Variants in KCND2 observed in about 807,000 individuals in gnomAD.
The protein encoded by KCND2 is potassium voltage-gated channel subfamily D member 2, also known as A-type voltage-gated potassium channel KCND2.
A neutral mutation model predicts 54.4 loss-of-function variants in KCND2; 16 were observed. The ratio of observed to expected loss-of-function variants is 0.29; its 90% CI spans 0.20 to 0.45. KCND2 has a LOEUF of 0.45. Among genes scored for constraint, KCND2 ranks in the 20% least tolerant of loss-of-function variants. The probability of loss-of-function intolerance (pLI) is 1.00; values close to 1 mark genes in which losing one functional copy is unlikely to be tolerated. For missense variants in KCND2, 486 were observed against 824.2 expected, an observed-to-expected ratio of 0.59 and a Z score of 5.02; for synonymous variants, 317 against 310.7, an observed-to-expected ratio of 1.02 and a Z score of -0.21.
At position 120,354,432 on chromosome 7, in the gene KCND2, G is replaced by A. The variant is rs553010343; in HGVS notation, c.1115+78685G>A. 2.6e-5 allele frequency among the ~76,000 whole-genome samples: 4 copies of A among 152,314 alleles called. No homozygotes were observed. The South Asian group carries it at 6.2e-4, about 24-fold the overall frequency. ...TTACAAAACTGTGCATGGTAAAACA[G>A]ATATTCAAAGTGCAAGCTACAGGAG... On this transcript the variant is annotated intron_variant, in intron 1 of 5. Coordinates refer to ENST00000331113, the MANE Select transcript of KCND2 (RefSeq NM_012281.3).
intron 1 of KCND2, among the ~76,000 whole-genome samples, chr7:120,454,459 C>T (rs775814358): frequency 2.0e-5 from 3 of 152,078 alleles, no homozygotes; most frequent in African/African-American, 4.8e-5. Context: ...CTAGAGGAAA[C>T]GGATAAACAT....
intron 1 of KCND2, among the ~76,000 whole-genome samples, chr7:120,542,319 G>T (rs959079581): frequency 2.6e-5 from 4 of 152,014 alleles, no homozygotes; most frequent in African/African-American, 9.7e-5. Flanking sequence ...TTTTTAAGAG[G>T]GTTTGGGAGA....
At chr7:120,703,873 C>T (rs780719320) in intron 1 of KCND2, among the ~76,000 whole-genome samples, 2 of 152,148 alleles carry the variant, frequency 1.3e-5, no homozygotes, top group Non-Finnish European at 2.9e-5. Context: ...CATAAAACCA[C>T]TTTATTTCAC....
intron 1 of KCND2, among the ~76,000 whole-genome samples, chr7:120,419,644 A>G (rs1461786634): frequency 6.6e-6 from 1 of 151,776 alleles, no homozygotes; most frequent in Admixed American, 6.6e-5. Flanking sequence ...TATATTTTAC[A>G]TGTACATGCA....
intron 1 of KCND2, among the ~76,000 whole-genome samples, chr7:120,693,850 A>G (rs1207274423): frequency 2.0e-5 from 3 of 152,170 alleles, no homozygotes; most frequent in African/African-American, 7.2e-5. Context: ...AAATAGCAAC[A>G]TGGCAGAGAA....
At chr7:120,373,425 G>A (rs1396406534) in intron 1 of KCND2, among the ~76,000 whole-genome samples, 1 of 151,840 alleles carries the variant, frequency 6.6e-6, no homozygotes, top group African/African-American at 2.4e-5. Context: ...TATAAGAAGT[G>A]ATTCATATGC....
At chr7:120,692,654 A>T (rs1410675208) in intron 1 of KCND2, among the ~76,000 whole-genome samples, 1 of 152,198 alleles carries the variant, frequency 6.6e-6, no homozygotes, top group Non-Finnish European at 1.5e-5. Flanking sequence ...ATTATTATTC[A>T]ATAAGAAAGT....
chr7:120,600,193 A>G (rs1404540610), intron 1 of KCND2, among the ~76,000 whole-genome samples: 1 of 151,940 alleles, frequency 6.6e-6, no homozygotes, highest in Non-Finnish European at 1.5e-5. Context: ...CTATATATTT[A>G]TGGAATGAAA....
intron 1 of KCND2, among the ~76,000 whole-genome samples, chr7:120,644,549 T>C (rs1447567429): frequency 6.6e-6 from 1 of 152,178 alleles, no homozygotes; most frequent in Admixed American, 6.5e-5. Context: ...AAAGAAATTA[T>C]TAGCAAAGAT....
At chr7:120,429,163 G>A (rs1451640641) in intron 1 of KCND2, among the ~76,000 whole-genome samples, 1 of 152,130 alleles carries the variant, frequency 6.6e-6, no homozygotes, top group Non-Finnish European at 1.5e-5. Context: ...ATTTCAGGGA[G>A]TCCACAATAT....
At position 120,382,819 on chromosome 7, in the gene KCND2, A is replaced by G. The variant is rs1178365185; in HGVS notation, c.1115+107072A>G. 2.0e-5 allele frequency among the ~76,000 whole-genome samples: 3 copies of G among 151,854 alleles called. No homozygotes were observed. The East Asian group carries it at 5.8e-4, about 29-fold the overall frequency. ...AAGGATTACTCTTTGATTATGTTTTAGATCACCTTTCTTTGTTCTTAAGAG... is the reference window on the plus strand; with the variant it reads ...AAGGATTACTCTTTGATTATGTTTTGGATCACCTTTCTTTGTTCTTAAGAG... On this transcript the variant is annotated intron_variant, in intron 1 of 5. Coordinates refer to ENST00000331113, the MANE Select transcript of KCND2 (RefSeq NM_012281.3).
intron 1 of KCND2, among the ~76,000 whole-genome samples, chr7:120,298,912 C>G (rs985929131): frequency 2.0e-5 from 3 of 152,156 alleles, no homozygotes; most frequent in Non-Finnish European, 2.9e-5. Flanking sequence ...AATCCCAGCA[C>G]TTTGGAAGGC....
intron 1 of KCND2, among the ~76,000 whole-genome samples, chr7:120,622,249 T>A (rs1167005861): frequency 6.6e-6 from 1 of 152,162 alleles, no homozygotes; most frequent in Non-Finnish European, 1.5e-5. Context: ...CAACATATGT[T>A]AAGCCACTCT....
chr7:120,585,218 A>T (rs913578594), intron 1 of KCND2, among the ~76,000 whole-genome samples: 1 of 151,996 alleles, frequency 6.6e-6, no homozygotes, highest in African/African-American at 2.4e-5. Context: ...GAAATATTAT[A>T]TCACAAAACT....
At chr7:120,604,510 C>CAATAAT (rs36229417) in intron 1 of KCND2, among the ~76,000 whole-genome samples, 18 of 140,244 alleles carry the variant, frequency 1.3e-4, no homozygotes, top group Admixed American at 9.3e-4. Context: ...CTAAAAATAA[C>CAATAAT]AATAATAATA....
intron 1 of KCND2, among the ~76,000 whole-genome samples, chr7:120,601,554 TA>T (rs1291085379): frequency 1.3e-5 from 2 of 152,186 alleles, no homozygotes; most frequent in Non-Finnish European, 2.9e-5. Context: ...GGCCATTGTT[TA>T]TAAGAGTTAA....
rs184330405 is a variant in KCND2, at chr7:120,604,147, C to G, written c.1116-128756C>G. ...ATAAATTCTAAAATGTTAGCCATTGCTGCTACTATGTAAGTGAGTGTGCAA... is the reference window on the plus strand; with the variant it reads ...ATAAATTCTAAAATGTTAGCCATTGGTGCTACTATGTAAGTGAGTGTGCAA... On this transcript the variant is annotated intron_variant, in intron 1 of 5. Transcript: ENST00000331113. 1.1e-4 allele frequency among the ~76,000 whole-genome samples: 16 copies of G among 152,180 alleles called. No homozygotes were observed. In the East Asian group the frequency reaches 2.7e-3, roughly 26 times the overall value.
rs998232265 is a variant in KCND2 at position 120,749,129 on chromosome 7, T to C, written c.*1271T>C. 27 of 152,122 alleles carry C rather than the reference T, an allele frequency of 1.8e-4. No individual in the cohort carries two copies. The highest frequency in any genetic ancestry group is 6.3e-4 in the African/African-American group (26 of 41,578). The allele number at this position is 152,122 out of a possible 1,614,324, so 9.4% of individuals were successfully genotyped here. A position where few individuals can be genotyped will look rare whatever the true frequency, so the allele number is the denominator to read the frequency against. On this transcript the variant is annotated 3_prime_UTR_variant, in exon 6 of 6. Transcript: ENST00000331113. ...TTACTTGATGCATTATTTATTTTGCTTTAGATCTTGAATACATTTTGAGAA... is the reference window on the plus strand; with the variant it reads ...TTACTTGATGCATTATTTATTTTGCCTTAGATCTTGAATACATTTTGAGAA...
chr7:120,536,833 A>G (rs1226875144), intron 1 of KCND2, among the ~76,000 whole-genome samples: 3 of 152,170 alleles, frequency 2.0e-5, no homozygotes, highest in African/African-American at 7.2e-5. Context: ...CCCATGAGGG[A>G]TGTAATAAAC....
Sources: gnomAD v4.1 joint callset for allele counts (sites outside exome capture counted in the v4.1 genomes callset) on GRCh38, gnomAD v4.1.1 for gene constraint, MANE v1.5 for transcripts, NCBI Gene and HGNC (gene_info 2026-07-23, HGNC 2026-07-21) for gene names.